HIBADH: variants seen among roughly 807,000 people sequenced by gnomAD.
HIBADH encodes 3-hydroxyisobutyrate dehydrogenase, mitochondrial.
HIBADH carries 25 observed loss-of-function variants against 36.1 expected under a neutral mutation model. The ratio of observed to expected loss-of-function variants is 0.69; its 90% CI spans 0.50 to 0.97. The LOEUF (loss-of-function observed/expected upper bound fraction) is 0.97, where lower values mean the gene tolerates loss of function less well. Among genes scored for constraint, HIBADH ranks in the 50% least tolerant of loss-of-function variants. The pLI is 0.00. For synonymous variants in HIBADH, 160 were observed against 149.5 expected (o/e 1.07, Z -0.51); for missense variants, 421 against 418.0 (o/e 1.01, Z -0.06).
intron 4 of HIBADH, among the ~76,000 whole-genome samples, chr7:27,609,027 G>A (rs1336161909): frequency 6.6e-6 from 1 of 152,142 alleles, no homozygotes; most frequent in Non-Finnish European, 1.5e-5. Context: ...TTGGCCTTCA[G>A]GTCTGGAGAT....
intron 6 of HIBADH, among the ~76,000 whole-genome samples, chr7:27,536,543 A>AT (rs1281255687): frequency 2.0e-5 from 3 of 152,010 alleles, no homozygotes; most frequent in Admixed American, 2.0e-4. Flanking sequence ...TTACATCTCT[A>AT]TTTTTTATCA....
intron 4 of HIBADH, among the ~76,000 whole-genome samples, chr7:27,617,856 C>G (rs766419924): frequency 6.6e-6 from 1 of 152,210 alleles, no homozygotes; most frequent in African/African-American, 2.4e-5. Flanking sequence ...CTGGGTCATT[C>G]ACCATCCCCC....
At chr7:27,619,813 G>T (rs1484747348) in intron 4 of HIBADH, among the ~76,000 whole-genome samples, 2 of 151,890 alleles carry the variant, frequency 1.3e-5, no homozygotes, top group South Asian at 4.2e-4. Flanking sequence ...ATGACATTTG[G>T]GACAACATAC....
At chr7:27,556,279 CAT>C (rs1266398422) in intron 4 of HIBADH, among the ~76,000 whole-genome samples, 1 of 152,122 alleles carries the variant, frequency 6.6e-6, no homozygotes, top group Non-Finnish European at 1.5e-5. Flanking sequence ...AACTGCCTAT[CAT>C]GTTTCTTTAC....
intron 1 of HIBADH, among the ~76,000 whole-genome samples, chr7:27,653,950 C>T (rs1021973807): frequency 1.3e-5 from 2 of 152,278 alleles, no homozygotes; most frequent in Admixed American, 6.5e-5. Context: ...TCAAAACCAA[C>T]CCTAAGCTGA....
At chr7:27,559,927 G>A (rs906031956) in intron 4 of HIBADH, among the ~76,000 whole-genome samples, 48 of 152,078 alleles carry the variant, frequency 3.2e-4, no homozygotes, top group African/African-American at 1.1e-3. Context: ...AATCAAACTC[G>A]TAAATTTCTA....
chr7:27,660,541 T>G (rs1002222394), intron 1 of HIBADH, among the ~76,000 whole-genome samples: 15 of 152,070 alleles, frequency 9.9e-5, no homozygotes, highest in Non-Finnish European at 2.2e-4. Context: ...GGCAGGCGCC[T>G]GTAGTCCCAG....
At chr7:27,645,337 T>C (rs1786043128) in intron 2 of HIBADH, among the ~76,000 whole-genome samples, 1 of 149,564 alleles carries the variant, frequency 6.7e-6, no homozygotes, top group Non-Finnish European at 1.5e-5. Flanking sequence ...CTTTTTAATC[T>C]AGATTCTAGT....
chr7:27,661,646 A>AT (rs367672909), intron 1 of HIBADH, among the ~76,000 whole-genome samples: 4,323 of 145,020 alleles, frequency 0.03, 93 homozygotes, highest in South Asian at 0.089. Flanking sequence ...CTAACCCACT[A>AT]TTTTTTTTTT....
intron 7 of HIBADH, among the ~76,000 whole-genome samples, chr7:27,528,849 G>A (rs910713852): frequency 9.2e-5 from 14 of 152,176 alleles, no homozygotes; most frequent in African/African-American, 2.7e-4. Flanking sequence ...TAGGACTTTC[G>A]CAGCTAAAGA....
At chr7:27,648,526 G>A (rs892319961) in intron 2 of HIBADH, among the ~76,000 whole-genome samples, 1 of 152,134 alleles carries the variant, frequency 6.6e-6, no homozygotes, top group Non-Finnish European at 1.5e-5. Flanking sequence ...TCTAGAAGCT[G>A]GCTGTGTAAT....
intron 4 of HIBADH, among the ~76,000 whole-genome samples, chr7:27,627,475 A>G (rs1785669414): frequency 6.6e-6 from 1 of 151,550 alleles, no homozygotes; most frequent in African/African-American, 2.4e-5. Context: ...CAATTATTAA[A>G]CTCTTTCTCT....
intron 2 of HIBADH, 85 bp downstream of exon 2, chr7:27,649,388 T>C: frequency 9.6e-7 from 1 of 1,043,956 alleles, no homozygotes; most frequent in Non-Finnish European, 1.4e-6. Context: ...CCATTGGGTA[T>C]ACTTCTAAGA....
At chr7:27,540,666 C>A (rs1224047247) in intron 5 of HIBADH, among the ~76,000 whole-genome samples, 1 of 152,158 alleles carries the variant, frequency 6.6e-6, no homozygotes, top group Non-Finnish European at 1.5e-5. Context: ...ACAATCCTTC[C>A]CATAGAGTAC....
chr7:27,650,959 A>T (rs2128297200), intron 1 of HIBADH, among the ~76,000 whole-genome samples: 1 of 152,286 alleles, frequency 6.6e-6, no homozygotes, highest in Non-Finnish European at 1.5e-5. Context: ...AGACACAAGC[A>T]ACGTATGGTC....
intron 4 of HIBADH, among the ~76,000 whole-genome samples, chr7:27,544,375 C>T (rs1784203222): frequency 6.6e-6 from 1 of 152,082 alleles, no homozygotes; most frequent in African/African-American, 2.4e-5. Flanking sequence ...GAGTGAGTGC[C>T]CACATGTTAT....
intron 4 of HIBADH, among the ~76,000 whole-genome samples, chr7:27,553,999 T>C (rs1338131312): frequency 6.6e-6 from 1 of 151,944 alleles, no homozygotes; most frequent in East Asian, 1.9e-4. Flanking sequence ...TATGTTTGTT[T>C]GTGTTTATGG....
chr7:27,638,287 C>A (rs1366154120), intron 2 of HIBADH, among the ~76,000 whole-genome samples: 2 of 118,498 alleles, frequency 1.7e-5, no homozygotes, highest in Admixed American at 1.1e-4. Context: ...ACACCTATAC[C>A]CATCTGATCT....
At chr7:27,557,351 T>C (rs537646151) in intron 4 of HIBADH, among the ~76,000 whole-genome samples, 3 of 152,132 alleles carry the variant, frequency 2.0e-5, no homozygotes, top group Admixed American at 6.5e-5. Flanking sequence ...ATCTTCCTCA[T>C]ATAGGTCTTA....
Sources: gnomAD v4.1 joint callset for allele counts (sites outside exome capture counted in the v4.1 genomes callset) on GRCh38, gnomAD v4.1.1 for gene constraint, MANE v1.5 for transcripts, NCBI Gene and HGNC (gene_info 2026-07-23, HGNC 2026-07-21) for gene names.